PRKCA: variants seen among roughly 807,000 people sequenced by gnomAD.
PRKCA encodes the protein protein kinase C alpha, also known as protein kinase C alpha type.
PRKCA carries 27 observed loss-of-function variants against 87.0 expected under a neutral mutation model. That is an observed-to-expected ratio of 0.31 (90% CI 0.23 to 0.43). PRKCA has a LOEUF of 0.43. Ranked by LOEUF, PRKCA falls within the 20% of genes least tolerant of loss-of-function variation. The pLI is 1.00. For missense variants in PRKCA, 518 were observed against 852.3 expected (o/e 0.61, Z 4.88); for synonymous variants, 329 against 311.1 (o/e 1.06, Z -0.61).
chr17:66,616,394 C>T (rs961476253), intron 3 of PRKCA, among the ~76,000 whole-genome samples: 2 of 152,202 alleles, frequency 1.3e-5, no homozygotes, highest in Non-Finnish European at 2.9e-5. Context: ...TCTTTCCTCA[C>T]GTAGATGATG....
chr17:66,403,704 CTT>C (rs1911173748), intron 2 of PRKCA: 1 of 152,120 alleles, frequency 6.6e-6, no homozygotes, highest in South Asian at 2.1e-4. Context: ...ACAATACAGT[CTT>C]TCACAGAACT....
At chr17:66,666,434 C>T (rs975448382) in intron 5 of PRKCA, among the ~76,000 whole-genome samples, 13 of 152,152 alleles carry the variant, frequency 8.5e-5, no homozygotes, top group Admixed American at 5.9e-4. Flanking sequence ...TCTGCTTTCT[C>T]GCTGCTCATT....
At chr17:66,761,534 GCAAC>G (rs1568018819) in intron 13 of PRKCA, among the ~76,000 whole-genome samples, 1 of 151,470 alleles carries the variant, frequency 6.6e-6, no homozygotes, top group African/African-American at 2.4e-5. Context: ...TTGGCTCACT[GCAAC>G]CTCTACCTCC....
At chr17:66,670,669 C>G (rs1972154562) in intron 5 of PRKCA, among the ~76,000 whole-genome samples, 1 of 151,816 alleles carries the variant, frequency 6.6e-6, no homozygotes, top group African/African-American at 2.4e-5. Flanking sequence ...GAAGATGGGC[C>G]TGGACATGGT....
At chr17:66,380,599 A>G (rs537489824) in intron 2 of PRKCA, among the ~76,000 whole-genome samples, 1 of 152,350 alleles carries the variant, frequency 6.6e-6, no homozygotes, top group South Asian at 2.1e-4. Context: ...TTTTTGAATT[A>G]TTGTATAAAT....
chr17:66,781,745 GAA>G (rs1975220269), intron 14 of PRKCA, among the ~76,000 whole-genome samples: 1 of 151,920 alleles, frequency 6.6e-6, no homozygotes, highest in African/African-American at 2.4e-5. Flanking sequence ...TTGGGAAGAT[GAA>G]AAAGTTCTGG....
intron 2 of PRKCA, among the ~76,000 whole-genome samples, chr17:66,449,498 C>T (rs1316534598): frequency 6.6e-6 from 1 of 152,190 alleles, no homozygotes; most frequent in African/African-American, 2.4e-5. Flanking sequence ...CGCTGCCCAA[C>T]CAGTAGTACA....
chr17:66,497,617 G>T (rs1916534850), intron 3 of PRKCA, among the ~76,000 whole-genome samples: 1 of 152,096 alleles, frequency 6.6e-6, no homozygotes, highest in African/African-American at 2.4e-5. Context: ...AAAAAAAATT[G>T]TCAGGCAGGC....
intron 3 of PRKCA, among the ~76,000 whole-genome samples, chr17:66,620,726 A>C (rs1339986348): frequency 6.6e-6 from 1 of 152,234 alleles, no homozygotes; most frequent in Non-Finnish European, 1.5e-5. Context: ...CATCCCATAC[A>C]GATAGCTCAC....
intron 16 of PRKCA, among the ~76,000 whole-genome samples, chr17:66,800,495 G>T (rs138469170): frequency 1.1e-3 from 165 of 152,336 alleles, no homozygotes; most frequent in African/African-American, 3.7e-3. Context: ...CTGGACACCA[G>T]CTTTGGAATT....
Position 66,804,287 on chromosome 17 carries a change from T to C in PRKCA, c.*250T>C, listed in dbSNP as rs1477388393. ...AGTTTAATTCTGTAGAAGTTACGTC[T>C]GGCTCTAGGTTAACCCTTCCTAGAA... is the stretch of plus-strand genomic sequence containing the variant. On this transcript the variant is annotated 3_prime_UTR_variant, in exon 17 of 17. Coordinates refer to ENST00000413366, the MANE Select transcript of PRKCA (RefSeq NM_002737.3). The C allele has an allele frequency of 2.4e-6, 1 of 416,146 alleles. No individual in the cohort carries two copies. Among genetic ancestry groups the C allele is most frequent in the South Asian group, 6.4e-5 (1 of 15,644 alleles). 25.8% of individuals were successfully genotyped at this position (416,146 alleles called of 1,614,324 possible).
chr17:66,378,303 G>A (rs1200716344), intron 2 of PRKCA, among the ~76,000 whole-genome samples: 1 of 152,150 alleles, frequency 6.6e-6, no homozygotes, highest in Non-Finnish European at 1.5e-5. Flanking sequence ...GACAGAGCGA[G>A]ACTCTGTATC....
rs60247180 is a variant in PRKCA at position 66,729,780 on chromosome 17, CTTTTTTTTTT to C, written c.919-2896_919-2887del. On this transcript the variant is annotated intron_variant, in intron 8 of 16. Coordinates refer to ENST00000413366, the MANE Select transcript of PRKCA (RefSeq NM_002737.3). ...TTGATCCCTGTATGAGCGAGTTATT[CTTTTTTTTTT>C]TTTTTTTTTTTCTGAGACAGAGTCT... Among the ~76,000 whole-genome samples, 3 of 105,104 alleles carry C rather than the reference CTTTTTTTTTT, an allele frequency of 2.9e-5. No individual in the cohort carries two copies. In the Admixed American group the frequency reaches 3.6e-4, roughly 12 times the overall value. 69.0% of individuals were successfully genotyped at this position (105,104 alleles called of 152,430 possible). A position where few individuals can be genotyped will look rare whatever the true frequency, so the allele number is the denominator to read the frequency against.
In PRKCA at chr17:66,410,602, G is replaced by A. The variant is rs142163775; in HGVS notation, c.206-85599G>A. Among the ~76,000 whole-genome samples the A allele has an allele frequency of 2.5e-3, 381 of 152,264 alleles. 3 individuals carry two copies. The highest frequency in any genetic ancestry group is 8.5e-3 in the African/African-American group (354 of 41,560). ...TGTTTGTTTGTTTGTTTGAGACAGAGTCTCACTCTGTTACTCAGGCTGGAG... is the reference window on the plus strand; with the variant it reads ...TGTTTGTTTGTTTGTTTGAGACAGAATCTCACTCTGTTACTCAGGCTGGAG... On this transcript the variant is annotated intron_variant, in intron 2 of 16. Coordinates refer to ENST00000413366, the MANE Select transcript of PRKCA (RefSeq NM_002737.3).
At chr17:66,738,409 C>T (rs61761462) in intron 10 of PRKCA, among the ~76,000 whole-genome samples, 349 of 152,234 alleles carry the variant, frequency 2.3e-3, no homozygotes, top group Admixed American at 5.0e-3. Context: ...GAAATAATTG[C>T]CTTATGTGGA....
chr17:66,415,551 C>G (rs1228615453), intron 2 of PRKCA: 3 of 152,156 alleles, frequency 2.0e-5, no homozygotes, highest in Admixed American at 2.0e-4. Flanking sequence ...TAAAACCAAA[C>G]GGCCAGATTT....
chr17:66,520,953 G>T (rs1967139738), intron 3 of PRKCA, among the ~76,000 whole-genome samples: 1 of 152,110 alleles, frequency 6.6e-6, no homozygotes, highest in Non-Finnish European at 1.5e-5. Flanking sequence ...AAAATACAAT[G>T]ATTTAAAAGT....
intron 3 of PRKCA, among the ~76,000 whole-genome samples, chr17:66,629,264 G>A (rs1042222061): frequency 6.6e-6 from 1 of 152,160 alleles, no homozygotes. Flanking sequence ...TGACATTATA[G>A]TGAGGCATAA....
intron 3 of PRKCA, among the ~76,000 whole-genome samples, chr17:66,571,582 A>G (rs1009449166): frequency 3.4e-4 from 52 of 152,164 alleles, no homozygotes; most frequent in Non-Finnish European, 6.5e-4. Context: ...TGAAAGAGGG[A>G]AAAAAACCCC....
Sources: gnomAD v4.1 joint callset for allele counts (sites outside exome capture counted in the v4.1 genomes callset) on GRCh38, gnomAD v4.1.1 for gene constraint, MANE v1.5 for transcripts, NCBI Gene and HGNC (gene_info 2026-07-23, HGNC 2026-07-21) for gene names.